RBFOX1: variants seen among roughly 807,000 people sequenced by gnomAD.
RBFOX1 encodes the protein RNA binding protein fox-1 homolog 1.
Under a neutral mutation model 57.7 loss-of-function variants are expected in RBFOX1, and 8 were observed. That is an observed-to-expected ratio of 0.14 (90% CI 0.08 to 0.25). The LOEUF is 0.25. RBFOX1 is among the 10% of genes least tolerant of loss of function. The pLI is 1.00. For missense variants in RBFOX1, 611 were observed against 548.5 expected (o/e 1.11, Z -1.14); for synonymous variants, 326 against 222.4 (o/e 1.47, Z -4.15).
chr16:7,708,046 G>T (rs142335163), intron 14 of RBFOX1, among the ~76,000 whole-genome samples: 5 of 152,180 alleles, frequency 3.3e-5, no homozygotes, highest in African/African-American at 1.2e-4. Flanking sequence ...TGCCCTAAGA[G>T]ATTCAAGTAT....
Position 6,878,235 on chromosome 16 carries a change from C to A in RBFOX1, c.-15-173822C>A, listed in dbSNP as rs116132010. 6.0e-3 allele frequency among the ~76,000 whole-genome samples: 919 copies of A among 152,236 alleles called. 9 individuals carry two copies. The highest frequency in any genetic ancestry group is 0.021 in the African/African-American group (876 of 41,522). ...TCATCAACAAAGATTCCGTTTCTTC[C>A]CTGCTGAGCACTGCTTGAAGTTCTT... On this transcript the variant is annotated intron_variant, in intron 3 of 15. Transcript: ENST00000550418.
chr16:6,423,127 T>C (rs1234159568), intron 2 of RBFOX1, among the ~76,000 whole-genome samples: 1 of 152,222 alleles, frequency 6.6e-6, no homozygotes, highest in Non-Finnish European at 1.5e-5. Context: ...CTTTCATCAT[T>C]GTTTTTCCTC....
At position 5,757,554 on chromosome 16, in the gene RBFOX1, G is replaced by A. The variant is rs566141793; in HGVS notation, c.319-109749G>A. On this transcript the variant is annotated intron_variant, in intron 3 of 19. Transcript: ENST00000641259. ...CGGGTGGGAAGCTTTTAATAGGCCA[G>A]CCTAGAAGAACACATCATTTCAACT... Among the ~76,000 whole-genome samples, 145 of 152,224 alleles carry A rather than the reference G, an allele frequency of 9.5e-4. 1 individual carries two copies. The highest frequency in any genetic ancestry group is 3.4e-3 in the African/African-American group (142 of 41,538).
At chr16:6,358,265 G>T (rs2087750877) in intron 2 of RBFOX1, among the ~76,000 whole-genome samples, 1 of 152,100 alleles carries the variant, frequency 6.6e-6, no homozygotes, top group Non-Finnish European at 1.5e-5. Flanking sequence ...ACAGTTTCTG[G>T]CATCATGTAA....
intron 2 of RBFOX1, among the ~76,000 whole-genome samples, chr16:5,562,018 C>T (rs1321425779): frequency 1.3e-5 from 2 of 152,120 alleles, no homozygotes; most frequent in East Asian, 3.9e-4. Context: ...TGTGAAGACA[C>T]AGGGAAACTT....
At chr16:7,158,568 GTGTT>G (rs371486837) in intron 4 of RBFOX1, among the ~76,000 whole-genome samples, 4 of 152,094 alleles carry the variant, frequency 2.6e-5, no homozygotes, top group Non-Finnish European at 4.4e-5. Flanking sequence ...TGTGTGGTGT[GTGTT>G]TGTGTGGTGT....
At chr16:5,750,649 CG>C (rs2053163711) in intron 3 of RBFOX1, among the ~76,000 whole-genome samples, 1 of 152,182 alleles carries the variant, frequency 6.6e-6, no homozygotes, top group African/African-American at 2.4e-5. Flanking sequence ...GCTTTGTGGG[CG>C]TGGGACCCTC....
At chr16:6,815,451 T>C (rs1429779376) in intron 3 of RBFOX1, among the ~76,000 whole-genome samples, 2 of 152,308 alleles carry the variant, frequency 1.3e-5, no homozygotes, top group South Asian at 2.1e-4. Flanking sequence ...TTCAAACACC[T>C]CTGACATTCG....
chr16:7,220,547 C>A (rs1028841807), intron 4 of RBFOX1, among the ~76,000 whole-genome samples: 5 of 152,162 alleles, frequency 3.3e-5, no homozygotes, highest in African/African-American at 1.2e-4. Context: ...TTGGATGTAA[C>A]CCTGATGTCA....
chr16:6,792,039 C>T (rs958782023), intron 3 of RBFOX1, among the ~76,000 whole-genome samples: 3 of 151,970 alleles, frequency 2.0e-5, no homozygotes, highest in Non-Finnish European at 4.4e-5. Context: ...AAGATTTTAC[C>T]CTGAATTGCG....
At chr16:6,307,564 TTAA>T (rs1237771462) in intron 1 of RBFOX1, among the ~76,000 whole-genome samples, 3 of 148,762 alleles carry the variant, frequency 2.0e-5, no homozygotes, top group Admixed American at 1.3e-4. Context: ...ATAATATCAT[TTAA>T]TAATATATAA....
At chr16:7,520,088 T>G (rs1305279666) in intron 5 of RBFOX1, among the ~76,000 whole-genome samples, 5 of 152,160 alleles carry the variant, frequency 3.3e-5, no homozygotes, top group Admixed American at 1.3e-4. Context: ...GATTTCACTG[T>G]GTTATCCAGG....
At chr16:7,198,088 C>T (rs2087253716) in intron 4 of RBFOX1, among the ~76,000 whole-genome samples, 1 of 141,282 alleles carries the variant, frequency 7.1e-6, no homozygotes, top group African/African-American at 2.7e-5. Flanking sequence ...TCACTGCAAG[C>T]TCCACCTCCT....
Position 7,433,960 on chromosome 16 carries a change from A to T in RBFOX1, c.28-84187A>T, listed in dbSNP as rs143634342. ...CAATTCATTTATAAGCTGAATAGTT[A>T]AGTGCAATTTTGAGTATTTGTGAGA... On this transcript the variant is annotated intron_variant, in intron 4 of 15. Transcript: ENST00000550418. 2.3e-3 allele frequency among the ~76,000 whole-genome samples: 354 copies of T among 152,338 alleles called. 1 individual carries two copies. The highest frequency in any genetic ancestry group is 8.2e-3 in the African/African-American group (342 of 41,586).
chr16:6,529,586 A>G (rs1308587249), intron 2 of RBFOX1, among the ~76,000 whole-genome samples: 1 of 150,862 alleles, frequency 6.6e-6, no homozygotes, highest in East Asian at 2.0e-4. Context: ...TTAATAATAT[A>G]TTATTATTTA....
At chr16:6,485,335 C>T (rs2095453493) in intron 2 of RBFOX1, among the ~76,000 whole-genome samples, 1 of 150,982 alleles carries the variant, frequency 6.6e-6, no homozygotes. Flanking sequence ...AGGAGCTCCT[C>T]CCTCCCTCTC....
In RBFOX1 at chr16:5,567,941, G is replaced by A. The variant is rs1213976983; in HGVS notation, c.259-30961G>A. Among the ~76,000 whole-genome samples the A allele has an allele frequency of 2.6e-5, 4 of 152,214 alleles. 1 individual carries two copies. The South Asian group carries it at 6.2e-4, about 24-fold the overall frequency. On this transcript the variant is annotated intron_variant, in intron 2 of 2. Coordinates refer to the RBFOX1 transcript ENST00000585867. ...TAAGTAACTGGCTCAAAATTGCACA[G>A]TAGTGGGGCAGAGGGGCTGGGATTA... is the stretch of plus-strand genomic sequence containing the variant.
intron 4 of RBFOX1, among the ~76,000 whole-genome samples, chr16:7,080,900 G>A (rs1239181446): frequency 1.3e-5 from 2 of 152,152 alleles, no homozygotes; most frequent in Non-Finnish European, 1.5e-5. Context: ...CCTCCTTGAC[G>A]TTCGTTAGCA....
rs1280157288 is a variant in RBFOX1 at position 5,512,996 on chromosome 16, A to C, written c.258+45742A>C. 2.0e-5 allele frequency among the ~76,000 whole-genome samples: 3 copies of C among 152,032 alleles called. No homozygotes were observed. The East Asian group carries it at 5.8e-4, about 29-fold the overall frequency. The stretch of plus-strand genomic sequence containing the variant: ...AATGGCGCCATCACAGCTCACTGCA[A>C]CCTCCACCTCCTAGGCTCAAACGAT... On this transcript the variant is annotated intron_variant, in intron 2 of 2. Transcript: ENST00000585867.
Sources: allele counts gnomAD v4.1 joint callset (sites outside exome capture counted in the v4.1 genomes callset), GRCh38; gene constraint gnomAD v4.1.1; transcripts MANE v1.5; gene names NCBI Gene and HGNC (gene_info 2026-07-23, HGNC 2026-07-21).